Variants in FSTL4 observed in about 807,000 individuals in gnomAD.
FSTL4 encodes follistatin like 4.
In FSTL4, 28 loss-of-function variants were observed where a neutral mutation model predicts 78.2. That is an observed-to-expected ratio of 0.36 (90% confidence interval 0.27 to 0.49). The LOEUF is 0.49. Among genes scored for constraint, FSTL4 ranks in the 20% least tolerant of loss-of-function variants. FSTL4 has a pLI of 0.98. For synonymous variants in FSTL4, 422 were observed against 440.5 expected (o/e 0.96, Z 0.53); for missense variants, 922 against 1,084.9 (o/e 0.85, Z 2.11).
At chr5:133,302,560 G>T (rs1753567714) in intron 6 of FSTL4, among the ~76,000 whole-genome samples, 2 of 152,222 alleles carry the variant, frequency 1.3e-5, no homozygotes, top group African/African-American at 4.8e-5. Context: ...TATAAAGGGT[G>T]CTAGGGTGGC....
chr5:133,217,963 C>T (rs1351456153), intron 12 of FSTL4, among the ~76,000 whole-genome samples: 4 of 152,162 alleles, frequency 2.6e-5, no homozygotes, highest in Non-Finnish European at 5.9e-5. Flanking sequence ...AATCCACCCC[C>T]TTGTTAATCT....
At chr5:133,542,737 A>ATTT (rs2112920604) in intron 3 of FSTL4, among the ~76,000 whole-genome samples, 1 of 152,256 alleles carries the variant, frequency 6.6e-6, no homozygotes, top group African/African-American at 2.4e-5. Context: ...TGGTGAAATA[A>ATTT]GATTCTATTA....
At chr5:133,424,386 C>T (rs937678904) in intron 3 of FSTL4, among the ~76,000 whole-genome samples, 2 of 152,152 alleles carry the variant, frequency 1.3e-5, no homozygotes, top group Admixed American at 1.3e-4. Flanking sequence ...GAGAGAGACA[C>T]AACCCGAGGG....
chr5:133,367,392 T>C (rs1371775898), intron 4 of FSTL4, among the ~76,000 whole-genome samples: 1 of 152,230 alleles, frequency 6.6e-6, no homozygotes, highest in Non-Finnish European at 1.5e-5. Context: ...TGTCTCTCTT[T>C]AGCCCCAAGG....
intron 4 of FSTL4, among the ~76,000 whole-genome samples, chr5:133,393,814 T>C: frequency 6.6e-6 from 1 of 152,252 alleles, no homozygotes; most frequent in East Asian, 1.9e-4. Flanking sequence ...GAGTTTGGGA[T>C]GATTGAGCCA....
chr5:133,840,460 T>A, the FSTL4 span, among the ~76,000 whole-genome samples: 107 of 152,340 alleles, frequency 7.0e-4, no homozygotes, highest in African/African-American at 2.5e-3. Context: ...ACTCCGATTT[T>A]CCAGTCCTCA....
At chr5:133,520,018 T>C (rs912234842) in intron 3 of FSTL4, among the ~76,000 whole-genome samples, 19 of 152,330 alleles carry the variant, frequency 1.2e-4, no homozygotes, top group Middle Eastern at 6.8e-3. Flanking sequence ...CAGATGCACA[T>C]GAAAAGAACC....
At chr5:133,656,541 C>T in the FSTL4 span, among the ~76,000 whole-genome samples, 1 of 152,034 alleles carries the variant, frequency 6.6e-6, no homozygotes. Context: ...GCCAAGGCAC[C>T]AACAGCTTCT....
the FSTL4 span, among the ~76,000 whole-genome samples, chr5:133,703,212 C>T: frequency 2.0e-5 from 3 of 152,186 alleles, no homozygotes; most frequent in East Asian, 1.9e-4. Context: ...TTTATGGCTG[C>T]GAGAGAATTC....
At chr5:133,622,260 T>C in the FSTL4 span, among the ~76,000 whole-genome samples, 1 of 152,240 alleles carries the variant, frequency 6.6e-6, no homozygotes, top group African/African-American at 2.4e-5. Context: ...TGAGTAGTAT[T>C]CCATGGTATG....
intron 14 of FSTL4, among the ~76,000 whole-genome samples, chr5:133,205,635 G>T (rs1031886434): frequency 1.3e-5 from 2 of 152,062 alleles, no homozygotes; most frequent in African/African-American, 4.8e-5. Flanking sequence ...CAATTAAAAA[G>T]AATTTAACAA....
chr5:133,560,905 T>A (rs1423070986), intron 3 of FSTL4, among the ~76,000 whole-genome samples: 1 of 150,432 alleles, frequency 6.6e-6, no homozygotes, highest in Non-Finnish European at 1.5e-5. Flanking sequence ...GCTAACACAG[T>A]GAAACCCTGT....
At chr5:133,270,315 A>C (rs1377628844) in intron 6 of FSTL4, 1 of 152,238 alleles carries the variant, frequency 6.6e-6, no homozygotes, top group Non-Finnish European at 1.5e-5. Flanking sequence ...GTCATATAAA[A>C]AAGCCAATAA....
chr5:133,762,749 G>A, the FSTL4 span, among the ~76,000 whole-genome samples: 1 of 152,186 alleles, frequency 6.6e-6, no homozygotes, highest in Non-Finnish European at 1.5e-5. Context: ...AAGGGAAAGA[G>A]AGTGTCATTT....
intron 3 of FSTL4, among the ~76,000 whole-genome samples, chr5:133,445,258 T>C (rs1000254195): frequency 2.0e-5 from 3 of 152,202 alleles, no homozygotes; most frequent in African/African-American, 2.4e-5. Context: ...TGAGGGTCCA[T>C]CTATGGGGAT....
chr5:133,355,009 C>T (rs1053710740), intron 4 of FSTL4, among the ~76,000 whole-genome samples: 11 of 152,348 alleles, frequency 7.2e-5, no homozygotes, highest in African/African-American at 2.2e-4. Flanking sequence ...CTGTCAGCAG[C>T]GGTCTCTGGC....
intron 4 of FSTL4, among the ~76,000 whole-genome samples, chr5:133,368,844 T>C (rs1006974305): frequency 1.4e-4 from 21 of 152,242 alleles, no homozygotes; most frequent in African/African-American, 5.1e-4. Context: ...GTCCCCCAAC[T>C]GTGGACATGT....
chr5:133,217,275 A>G lies in FSTL4; in HGVS notation c.1562T>C (p.Leu521Pro), dbSNP rs762842133. The G allele has an allele frequency of 8.1e-6, 13 of 1,614,012 alleles. No individual in the cohort carries two copies. The African/African-American group carries it at 1.5e-4, about 18-fold the overall frequency. Residue 521 changes from leucine to proline, a missense_variant, in exon 13 of 16, where the codon CTG becomes CCG. Coordinates refer to ENST00000265342, the MANE Select transcript of FSTL4 (RefSeq NM_015082.2). ...GATGTCGACCACAAGGACTCTGCTC[A>G]GTGCTGGCTGGGCCACATAGATGTA... ...NRYIYVAQPA[L>P]SRVLVVDIQA...
intron 3 of FSTL4, among the ~76,000 whole-genome samples, chr5:133,461,781 G>A (rs1039650859): frequency 9.9e-5 from 15 of 152,194 alleles, no homozygotes; most frequent in African/African-American, 2.9e-4. Flanking sequence ...ATCAGCCTGC[G>A]TAATAAGTCT....
Sources: gnomAD v4.1 joint callset for allele counts (sites outside exome capture counted in the v4.1 genomes callset) on GRCh38, gnomAD v4.1.1 for gene constraint, MANE v1.5 for transcripts, NCBI Gene and HGNC (gene_info 2026-07-23, HGNC 2026-07-21) for gene names.